STK3: variants seen among roughly 807,000 people sequenced by gnomAD.
STK3 encodes the protein serine/threonine-protein kinase 3.
STK3 carries 41 observed loss-of-function variants against 58.0 expected under a neutral mutation model. That is an observed-to-expected ratio of 0.71 (90% CI 0.55 to 0.92). STK3 has a LOEUF of 0.92. STK3 is among the 40% of genes least tolerant of loss of function. STK3 has a pLI of 0.00. For missense variants in STK3, 479 were observed against 602.7 expected, an observed-to-expected ratio of 0.79 and a Z score of 2.15; for synonymous variants, 170 against 191.0, an observed-to-expected ratio of 0.89 and a Z score of 0.91.
intron 6 of STK3, among the ~76,000 whole-genome samples, chr8:98,646,708 A>G (rs1820420223): frequency 6.6e-6 from 1 of 151,972 alleles, no homozygotes; most frequent in Non-Finnish European, 1.5e-5. Flanking sequence ...TTTTACAGTA[A>G]TTCTCTCCAG....
intron 1 of STK3, among the ~76,000 whole-genome samples, chr8:98,777,577 A>T (rs949048987): frequency 6.6e-6 from 1 of 152,212 alleles, no homozygotes; most frequent in African/African-American, 2.4e-5. Context: ...ATGACAATGA[A>T]GATGATGTTA....
rs139538399 is a variant in STK3, at chr8:98,863,906, T to C, written c.110+19741A>G. ...TTCTAGGAAAGCTCCTTAAAAAAAGTCTGAATCAGGACGGGCGCGGTGGCT... is the reference window on the plus strand; with the variant it reads ...TTCTAGGAAAGCTCCTTAAAAAAAGCCTGAATCAGGACGGGCGCGGTGGCT... On this transcript the variant is annotated intron_variant, in intron 3 of 12. Coordinates refer to the STK3 transcript ENST00000523601. Among the ~76,000 whole-genome samples, 270 of 151,992 alleles carry C rather than the reference T, an allele frequency of 1.8e-3. 1 individual carries two copies. The highest frequency in any genetic ancestry group is 6.1e-3 in the African/African-American group (254 of 41,452).
intron 6 of STK3, among the ~76,000 whole-genome samples, chr8:98,668,220 T>C (rs1822519537): frequency 6.6e-6 from 1 of 152,216 alleles, no homozygotes; most frequent in Admixed American, 6.5e-5. Context: ...CATTCTTCAG[T>C]ATTATTAATT....
chr8:98,790,327 A>G (rs1832729885), intron 1 of STK3, among the ~76,000 whole-genome samples: 1 of 152,230 alleles, frequency 6.6e-6, no homozygotes, highest in African/African-American at 2.4e-5. Flanking sequence ...ATAATCCACC[A>G]TGATCAAGTG....
At chr8:98,514,522 C>A (rs1824775489) in intron 10 of STK3, among the ~76,000 whole-genome samples, 1 of 151,522 alleles carries the variant, frequency 6.6e-6, no homozygotes, top group Admixed American at 6.6e-5. Context: ...TACCTGCCCC[C>A]ACACTCCCCC....
intron 1 of STK3, among the ~76,000 whole-genome samples, chr8:98,915,432 C>CTATATA (rs56187203): frequency 0.026 from 2,460 of 94,076 alleles, 127 homozygotes; most frequent in African/African-American, 0.039. Flanking sequence ...ATAAACTTTC[C>CTATATA]TATATATATA....
chr8:98,561,295 T>G (rs953713489), intron 8 of STK3, among the ~76,000 whole-genome samples: 10 of 147,504 alleles, frequency 6.8e-5, no homozygotes, highest in Non-Finnish European at 1.2e-4. Flanking sequence ...CAACCGGATA[T>G]CCATACGGAA....
intron 3 of STK3, among the ~76,000 whole-genome samples, chr8:98,867,363 G>A (rs1454480587): frequency 6.6e-6 from 1 of 152,174 alleles, no homozygotes; most frequent in Admixed American, 6.5e-5. Context: ...CCAGTGAGCC[G>A]AGATCGCGCC....
At chr8:98,373,252 T>A (rs751119304) in intron 2 of STK3, among the ~76,000 whole-genome samples, 1 of 152,190 alleles carries the variant, frequency 6.6e-6, no homozygotes, top group Non-Finnish European at 1.5e-5. Flanking sequence ...TCCTTCTGTG[T>A]CCGAGCCAGA....
chr8:98,611,937 A>C (rs894061487), intron 6 of STK3, among the ~76,000 whole-genome samples: 1 of 151,974 alleles, frequency 6.6e-6, no homozygotes, highest in Non-Finnish European at 1.5e-5. Flanking sequence ...AGAGTTCATA[A>C]ATAGAATGGG....
At chr8:98,685,557 C>T (rs1823927613) in intron 6 of STK3, among the ~76,000 whole-genome samples, 1 of 151,992 alleles carries the variant, frequency 6.6e-6, no homozygotes, top group African/African-American at 2.4e-5. Context: ...GTCTAGGATG[C>T]CTTATACCAC....
chr8:98,874,392 C>A (rs148920431), intron 3 of STK3, among the ~76,000 whole-genome samples: 7 of 152,188 alleles, frequency 4.6e-5, no homozygotes, highest in African/African-American at 1.4e-4. Context: ...GTTCTGCCAA[C>A]TCCTTTATGT....
At chr8:98,703,083 T>C (rs1470207987) in intron 6 of STK3, among the ~76,000 whole-genome samples, 3 of 152,150 alleles carry the variant, frequency 2.0e-5, no homozygotes, top group African/African-American at 7.2e-5. Context: ...AATTGAAATC[T>C]TACCTAGGTT....
At chr8:98,363,437 C>T in the STK3 span, among the ~76,000 whole-genome samples, 4 of 152,264 alleles carry the variant, frequency 2.6e-5, no homozygotes, top group East Asian at 5.8e-4. Flanking sequence ...GCCCGGGTTC[C>T]GGTACAGGCT....
chr8:98,382,267 G>T (rs1249884179), intron 1 of STK3, among the ~76,000 whole-genome samples: 1 of 152,248 alleles, frequency 6.6e-6, no homozygotes, highest in Non-Finnish European at 1.5e-5. Context: ...CCTGGAAAGT[G>T]AACCTGGTGC....
chr8:98,615,107 G>C (rs1265675357), intron 6 of STK3, among the ~76,000 whole-genome samples: 1 of 151,896 alleles, frequency 6.6e-6, no homozygotes, highest in Admixed American at 6.6e-5. Flanking sequence ...CACGCAGCTG[G>C]AGATCTGAGA....
chr8:98,865,319 C>T (rs1837092411), intron 3 of STK3, among the ~76,000 whole-genome samples: 1 of 152,208 alleles, frequency 6.6e-6, no homozygotes, highest in Middle Eastern at 3.2e-3. Context: ...CTATACCTCT[C>T]AGCCTCCCAA....
At chr8:98,845,471 C>G (rs932779510) in intron 3 of STK3, among the ~76,000 whole-genome samples, 3 of 152,152 alleles carry the variant, frequency 2.0e-5, no homozygotes, top group Non-Finnish European at 4.4e-5. Flanking sequence ...CACATGACAG[C>G]ACTCCCACCC....
At position 98,526,752 on chromosome 8, in the gene STK3, T is replaced by C; in HGVS notation, c.1307A>G (p.Asp436Gly). 1 of 1,563,514 alleles carries C rather than the reference T, an allele frequency of 6.4e-7. No individual in the cohort carries two copies. The highest frequency in any genetic ancestry group is 8.7e-7 in the Non-Finnish European group (1 of 1,155,236). ...TTAAAATGTACTTACAAAGTCAAAG[T>C]CTCCATCTTGAGGAACTTTCCAGTT... ...PDNWKVPQDG[D>G]FDFLKNLSLE... is the part of the protein sequence containing the mutation. Residue 436 changes from aspartate (D) to glycine (G), a missense_variant, in exon 10 of 11, where the codon GAC becomes GGC. Asp to Gly is a moderately conservative substitution (Grantham distance 94). Around this residue, in one of 3 missense-constraint regions of STK3, gnomAD observed 309 missense variants for 355.7 expected, o/e 0.87. Coordinates refer to ENST00000419617, the MANE Select transcript of STK3 (RefSeq NM_006281.4).
Sources: gnomAD v4.1 joint callset for allele counts (sites outside exome capture counted in the v4.1 genomes callset) on GRCh38, gnomAD v4.1.1 for gene constraint, gnomAD v4.1.1 regional missense constraint, MANE v1.5 for transcripts, NCBI Gene and HGNC (gene_info 2026-07-23, HGNC 2026-07-21) for gene names.